Variants in UVRAG observed in about 807,000 individuals in gnomAD.
UVRAG encodes UV radiation resistance-associated gene protein.
UVRAG carries 19 observed loss-of-function variants against 78.0 expected under a neutral mutation model. That is an observed-to-expected ratio of 0.24 (90% CI 0.17 to 0.36). The LOEUF is 0.36. Among genes scored for constraint, UVRAG ranks in the 10% least tolerant of loss-of-function variants. UVRAG has a pLI of 1.00. For synonymous variants in UVRAG, 323 were observed against 324.6 expected, an observed-to-expected ratio of 1.00 and a Z score of 0.05; for missense variants, 740 against 853.8, an observed-to-expected ratio of 0.87 and a Z score of 1.66.
chr11:76,130,592 A>G (rs1952496188), intron 14 of UVRAG, among the ~76,000 whole-genome samples: 1 of 152,246 alleles, frequency 6.6e-6, no homozygotes, highest in Non-Finnish European at 1.5e-5. Flanking sequence ...ACTTCTGCCC[A>G]AGGCCTCCAG....
At chr11:76,045,262 C>T (rs1338512971) in intron 12 of UVRAG, among the ~76,000 whole-genome samples, 2 of 152,210 alleles carry the variant, frequency 1.3e-5, no homozygotes, top group Admixed American at 1.3e-4. Flanking sequence ...AGAGAAGATA[C>T]ATACAGCTTC....
intron 12 of UVRAG, among the ~76,000 whole-genome samples, chr11:76,024,523 A>T (rs1013546399): frequency 1.3e-5 from 2 of 152,178 alleles, no homozygotes; most frequent in Admixed American, 6.5e-5. Context: ...GCATTTTAAT[A>T]TTGATAAAAA....
chr11:76,112,967 T>G (rs1184846982), intron 13 of UVRAG, among the ~76,000 whole-genome samples: 2 of 152,054 alleles, frequency 1.3e-5, no homozygotes, highest in African/African-American at 4.8e-5. Flanking sequence ...CCGCCTCAGC[T>G]TCCCAAAGTG....
At chr11:75,917,802 T>C (rs1947890295) in intron 6 of UVRAG, among the ~76,000 whole-genome samples, 1 of 152,228 alleles carries the variant, frequency 6.6e-6, no homozygotes, top group Admixed American at 6.5e-5. Context: ...TGGTGATAGA[T>C]ATAGTTGATG....
At chr11:75,902,555 T>C (rs1947526821) in intron 5 of UVRAG, among the ~76,000 whole-genome samples, 2 of 152,208 alleles carry the variant, frequency 1.3e-5, no homozygotes, top group Admixed American at 1.3e-4. Context: ...TGCCAAATTA[T>C]TATACTTTAA....
intron 13 of UVRAG, among the ~76,000 whole-genome samples, chr11:76,071,284 C>A (rs997294950): frequency 2.0e-5 from 3 of 152,114 alleles, no homozygotes; most frequent in African/African-American, 7.2e-5. Context: ...AGGAACTAGC[C>A]ATGCAACCAG....
chr11:75,907,920 T>C (rs1947653144), intron 5 of UVRAG, among the ~76,000 whole-genome samples: 1 of 152,180 alleles, frequency 6.6e-6, no homozygotes, highest in Non-Finnish European at 1.5e-5. Flanking sequence ...AAATTACAAA[T>C]ACACAAAATT....
Position 75,958,724 on chromosome 11 carries a change from T to C in UVRAG, c.594-2720T>C, listed in dbSNP as rs1948853671. Among the ~76,000 whole-genome samples, 3 of 152,210 alleles carry C rather than the reference T, an allele frequency of 2.0e-5. No individual in the cohort carries two copies. The South Asian group carries it at 6.2e-4, about 32-fold the overall frequency. On this transcript the variant is annotated intron_variant, in intron 6 of 14. Coordinates refer to ENST00000356136, the MANE Select transcript of UVRAG (RefSeq NM_003369.4). ...TCTGAATGGCATTCAGAATGGCGAA[T>C]CCTTTCCAGAATGTTTTCCATTGAT...
intron 6 of UVRAG, among the ~76,000 whole-genome samples, chr11:75,920,057 G>A (rs947315121): frequency 1.1e-4 from 11 of 100,454 alleles, no homozygotes; most frequent in Non-Finnish European, 1.2e-4. Context: ...ACGAAGTCTC[G>A]CTCTGTTGCC....
chr11:75,891,590 A>G (rs567317560), intron 5 of UVRAG, among the ~76,000 whole-genome samples: 1 of 152,294 alleles, frequency 6.6e-6, no homozygotes, highest in South Asian at 2.1e-4. Flanking sequence ...GCCAATAACT[A>G]ATACTCCTTT....
intron 13 of UVRAG, among the ~76,000 whole-genome samples, chr11:76,083,589 C>G (rs1951536500): frequency 6.6e-6 from 1 of 152,170 alleles, no homozygotes; most frequent in Admixed American, 6.5e-5. Flanking sequence ...ACAATGTCTA[C>G]ATTTTTAATA....
Position 75,888,911 on chromosome 11 carries a change from G to T in UVRAG, c.507+8G>T. ...GCTCCATTTGAACATAAGGTAAGAA[G>T]ATCCTTCTAATGTTATGAATTTTGT... On this transcript the variant is annotated splice_region_variant and intron_variant, in intron 5 of 14. Coordinates refer to ENST00000356136, the MANE Select transcript of UVRAG (RefSeq NM_003369.4). 1 of 1,611,428 alleles carries T rather than the reference G, an allele frequency of 6.2e-7. No homozygotes were observed. Among genetic ancestry groups the T allele is most frequent in the South Asian group, 1.1e-5 (1 of 90,648 alleles).
chr11:75,984,112 A>G (rs1241014255), intron 8 of UVRAG, among the ~76,000 whole-genome samples: 1 of 152,240 alleles, frequency 6.6e-6, no homozygotes, highest in African/African-American at 2.4e-5. Flanking sequence ...TACATGTGGT[A>G]GAAACCATAC....
chr11:76,049,746 A>C (rs1317924354), intron 12 of UVRAG, among the ~76,000 whole-genome samples: 1 of 152,258 alleles, frequency 6.6e-6, no homozygotes, highest in Non-Finnish European at 1.5e-5. Flanking sequence ...ATACAGCATC[A>C]GTAAGGACTT....
intron 13 of UVRAG, among the ~76,000 whole-genome samples, chr11:76,098,930 G>C (rs1367566127): frequency 2.0e-5 from 3 of 152,074 alleles, no homozygotes; most frequent in African/African-American, 7.2e-5. Flanking sequence ...TCCTCAGCCA[G>C]TCCACTACTC....
chr11:76,140,144 T>TCC (rs1443526381), intron 14 of UVRAG, among the ~76,000 whole-genome samples: 8 of 100,482 alleles, frequency 8.0e-5, no homozygotes, highest in South Asian at 4.8e-4. Context: ...TCTCTCTCTC[T>TCC]CTCTCCCTCC....
chr11:76,108,998 C>A (rs1355033152), intron 13 of UVRAG, among the ~76,000 whole-genome samples: 1 of 152,046 alleles, frequency 6.6e-6, no homozygotes, highest in Non-Finnish European at 1.5e-5. Flanking sequence ...TAATTGAAAC[C>A]AAAATTCCAC....
intron 5 of UVRAG, among the ~76,000 whole-genome samples, chr11:75,909,777 T>C (rs1271506335): frequency 6.6e-6 from 1 of 152,230 alleles, no homozygotes; most frequent in African/African-American, 2.4e-5. Context: ...ATCTTTATAA[T>C]GTATTGCTGG....
chr11:76,033,769 T>A (rs1002541448), intron 12 of UVRAG, among the ~76,000 whole-genome samples: 13 of 152,078 alleles, frequency 8.5e-5, no homozygotes, highest in Non-Finnish European at 1.8e-4. Context: ...AATCAGGAAA[T>A]GCATGTTAAA....
Sources: allele counts gnomAD v4.1 joint callset (sites outside exome capture counted in the v4.1 genomes callset), GRCh38; gene constraint gnomAD v4.1.1; transcripts MANE v1.5; gene names NCBI Gene and HGNC (gene_info 2026-07-23, HGNC 2026-07-21).